GLI3: variants seen among roughly 807,000 people sequenced by gnomAD.
GLI3 encodes transcription activator GLI3.
A neutral mutation model predicts 100.8 loss-of-function variants in GLI3; 20 were observed. The observed-to-expected ratio is 0.20, with a 90% CI of 0.14 to 0.29. The LOEUF is 0.29. Ranked by LOEUF, GLI3 falls within the 10% of genes least tolerant of loss-of-function variation. The pLI is 1.00. For missense variants in GLI3, 2,040 were observed against 2,128.5 expected (o/e 0.96, Z 0.82); for synonymous variants, 938 against 860.5 (o/e 1.09, Z -1.58).
At position 41,968,725 on chromosome 7, in the gene GLI3, A is replaced by AAAGAAAGAAAGAAAG. The variant is rs1562661822; in HGVS notation, c.2104-817_2104-803dup. On this transcript the variant is annotated intron_variant, in intron 13 of 14. Coordinates refer to ENST00000395925, the MANE Select transcript of GLI3 (RefSeq NM_000168.6). ...AGAAAGAAAGAAAGAAGAAAGAAAG[A>AAAGAAAGAAAGAAAG]AAGAAAGAAAGAAAGAAAGAAAGAA... Among the ~76,000 whole-genome samples, 37 of 103,134 alleles carry AAAGAAAGAAAGAAAG rather than the reference A, an allele frequency of 3.6e-4. 1 individual carries two copies. Among genetic ancestry groups the AAAGAAAGAAAGAAAG allele is most frequent in the African/African-American group, 1.1e-3 (21 of 19,874 alleles). The allele number at this position is 103,134 out of a possible 152,430, so 67.7% of individuals were successfully genotyped here. A position where few individuals can be genotyped will look rare whatever the true frequency, so the allele number is the denominator to read the frequency against.
At chr7:41,970,890 T>G (rs1310639310) in intron 13 of GLI3, among the ~76,000 whole-genome samples, 1 of 151,926 alleles carries the variant, frequency 6.6e-6, no homozygotes, top group Admixed American at 6.6e-5. Context: ...ATTTTAAGAA[T>G]AGACATGTGC....
intron 1 of GLI3, among the ~76,000 whole-genome samples, chr7:42,257,430 C>T (rs955858550): frequency 4.6e-5 from 7 of 151,084 alleles, no homozygotes; most frequent in East Asian, 2.0e-4. Context: ...CTGCAAGCTC[C>T]GCCTCCCGGG....
At chr7:42,244,123 T>A (rs1788950295) in intron 1 of GLI3, among the ~76,000 whole-genome samples, 1 of 152,182 alleles carries the variant, frequency 6.6e-6, no homozygotes, top group South Asian at 2.1e-4. Flanking sequence ...CGAAAGCCAC[T>A]GCACCCAGCA....
chr7:42,234,438 AG>A (rs1343757754), intron 1 of GLI3, among the ~76,000 whole-genome samples: 1 of 152,236 alleles, frequency 6.6e-6, no homozygotes, highest in Non-Finnish European at 1.5e-5. Context: ...TCCAACTTTT[AG>A]GCTTGCACAT....
intron 10 of GLI3, among the ~76,000 whole-genome samples, chr7:41,996,515 A>G (rs562206508): frequency 6.6e-6 from 1 of 152,346 alleles, no homozygotes; most frequent in South Asian, 2.1e-4. Context: ...ATTTAAACAC[A>G]GTGAGACAGA....
At chr7:42,168,517 C>A (rs747787242) in intron 2 of GLI3, among the ~76,000 whole-genome samples, 1 of 152,014 alleles carries the variant, frequency 6.6e-6, no homozygotes, top group African/African-American at 2.4e-5. Flanking sequence ...TACTATACAC[C>A]AAGGGGGATG....
intron 10 of GLI3, among the ~76,000 whole-genome samples, chr7:41,979,648 A>G (rs537499589): frequency 6.6e-6 from 1 of 152,274 alleles, no homozygotes; most frequent in Non-Finnish European, 1.5e-5. Context: ...TGAGCATACT[A>G]TTTCAATGTC....
chr7:41,969,988 T>C (rs185896425), intron 13 of GLI3, among the ~76,000 whole-genome samples: 2 of 152,190 alleles, frequency 1.3e-5, no homozygotes, highest in Admixed American at 1.3e-4. Flanking sequence ...ATTTTTCACA[T>C]GCTGAATGTT....
Position 42,252,064 on chromosome 7 carries a change from T to C in GLI3, c.-43+11930A>G, listed in dbSNP as rs144202178. 5.9e-5 allele frequency among the ~76,000 whole-genome samples: 9 copies of C among 152,212 alleles called. 1 individual carries two copies. The highest frequency in any genetic ancestry group is 2.2e-4 in the African/African-American group (9 of 41,514). On this transcript the variant is annotated intron_variant, in intron 1 of 2. Coordinates refer to the GLI3 transcript ENST00000678978. ...AAGACAAATGCACACTGCAGCACTA[T>C]TCACAATAGCAAAGATATGGAATCA...
At chr7:42,071,151 T>C (rs2128750253) in intron 4 of GLI3, among the ~76,000 whole-genome samples, 1 of 152,262 alleles carries the variant, frequency 6.6e-6, no homozygotes, top group African/African-American at 2.4e-5. Flanking sequence ...TGCAAAGAAA[T>C]ACACAGATCG....
chr7:41,978,698 C>T lies in GLI3; in HGVS notation c.1548G>A (p.Arg516=), dbSNP rs373338763. The T allele has an allele frequency of 2.5e-6, 4 of 1,613,570 alleles. No individual in the cohort carries two copies. Among genetic ancestry groups the T allele is most frequent in the South Asian group, 1.1e-5 (1 of 91,072 alleles). The change falls in exon 11 of 15, where the codon AGG becomes AGA. Residue 516 remains arginine, a synonymous_variant. Coordinates refer to ENST00000395925, the MANE Select transcript of GLI3 (RefSeq NM_000168.6). ...IHGEKKEFVC[R]WLDCSREQKP... is the part of the protein sequence containing the mutation. ...TCTGCTCTCTTGAGCAGTCCAGCCA[C>T]CTGCACACGAACTCCTTCTTCTCTC...
At chr7:42,186,491 T>C (rs1007867111) in intron 2 of GLI3, among the ~76,000 whole-genome samples, 3 of 152,084 alleles carry the variant, frequency 2.0e-5, no homozygotes, top group Non-Finnish European at 4.4e-5. Context: ...GATCATGTGC[T>C]CACAAGAAGG....
At chr7:42,079,074 G>T (rs1039502277) in intron 3 of GLI3, among the ~76,000 whole-genome samples, 1 of 152,130 alleles carries the variant, frequency 6.6e-6, no homozygotes. Context: ...TATAAAAATT[G>T]ATTATATTTT....
chr7:42,003,064 G>A (rs1391050441), intron 10 of GLI3, among the ~76,000 whole-genome samples: 2 of 152,228 alleles, frequency 1.3e-5, no homozygotes, highest in Non-Finnish European at 2.9e-5. Context: ...ATTCACTGAT[G>A]TATCTCCAGA....
intron 2 of GLI3, among the ~76,000 whole-genome samples, chr7:42,186,419 T>C (rs1787717334): frequency 1.3e-5 from 2 of 152,266 alleles, no homozygotes; most frequent in South Asian, 4.2e-4. Flanking sequence ...GAAAGAATAA[T>C]GACGTTCTTG....
intron 3 of GLI3, among the ~76,000 whole-genome samples, chr7:42,115,685 C>T (rs1041563376): frequency 6.6e-6 from 1 of 152,120 alleles, no homozygotes; most frequent in Admixed American, 6.5e-5. Flanking sequence ...AGCAGGGACA[C>T]AGTGGGGCAG....
intron 4 of GLI3, among the ~76,000 whole-genome samples, chr7:42,068,883 C>A (rs974927298): frequency 2.6e-5 from 4 of 152,070 alleles, no homozygotes; most frequent in African/African-American, 9.7e-5. Context: ...CCCATCAGGA[C>A]AAATTCTGTT....
intron 10 of GLI3, among the ~76,000 whole-genome samples, chr7:41,998,087 C>A (rs1365184473): frequency 6.6e-6 from 1 of 152,112 alleles, no homozygotes; most frequent in Non-Finnish European, 1.5e-5. Flanking sequence ...CACATGTTGT[C>A]ATTAAGCTGG....
chr7:42,257,258 T>C (rs560889693), intron 1 of GLI3, among the ~76,000 whole-genome samples: 1 of 152,090 alleles, frequency 6.6e-6, no homozygotes, highest in African/African-American at 2.4e-5. Context: ...TCTTTTTCTT[T>C]CTTTTTTTTT....
Sources: allele counts gnomAD v4.1 joint callset (sites outside exome capture counted in the v4.1 genomes callset), GRCh38; gene constraint gnomAD v4.1.1; transcripts MANE v1.5; gene names NCBI Gene and HGNC (gene_info 2026-07-23, HGNC 2026-07-21).